LPP: variants seen among roughly 807,000 people sequenced by gnomAD.
LPP encodes the protein lipoma-preferred partner.
LPP carries 38 observed loss-of-function variants against 60.4 expected under a neutral mutation model. The ratio of observed to expected loss-of-function variants is 0.63; its 90% CI spans 0.49 to 0.83. The LOEUF (loss-of-function observed/expected upper bound fraction) is 0.83. Among genes scored for constraint, LPP ranks in the 40% least tolerant of loss-of-function variants. LPP has a pLI of 0.00. For synonymous variants in LPP, 328 were observed against 290.8 expected (o/e 1.13, Z -1.30); for missense variants, 902 against 783.6 (o/e 1.15, Z -1.80).
At chr3:188,848,066 G>A (rs1478194126) in intron 9 of LPP, among the ~76,000 whole-genome samples, 1 of 152,058 alleles carries the variant, frequency 6.6e-6, no homozygotes, top group Admixed American at 6.6e-5. Flanking sequence ...TTGAGTTTTT[G>A]AAAAATATAT....
intron 9 of LPP, among the ~76,000 whole-genome samples, chr3:188,804,255 A>C (rs1450310961): frequency 9.1e-6 from 1 of 109,570 alleles, no homozygotes; most frequent in Non-Finnish European, 1.8e-5. Flanking sequence ...ATATATATAT[A>C]TATATATATA....
Position 188,760,268 on chromosome 3 carries a change from G to C in LPP, c.1396G>C (p.Glu466Gln). ...TGCTGTGGAAAAGAAAGCATACTGCGAGCCCTGCTACATTGTAAGTTCCAG... is the reference window on the plus strand; with the variant it reads ...TGCTGTGGAAAAGAAAGCATACTGCCAGCCCTGCTACATTGTAAGTTCCAG... Reference protein sequence around the residue: ...FYAVEKKAYCEPCYINTLEQC... With the variant: ...FYAVEKKAYCQPCYINTLEQC... Residue 466 changes from glutamate (E) to glutamine (Q), a missense_variant, in exon 9 of 12, where the codon GAG becomes CAG. Coordinates refer to ENST00000617246, the MANE Select transcript of LPP (RefSeq NM_001375462.1). The C allele has an allele frequency of 6.2e-7, 1 of 1,613,992 alleles. No individual in the cohort carries two copies. The highest frequency in any genetic ancestry group is 1.6e-4 in the Middle Eastern group (1 of 6,062).
intron 6 of LPP, among the ~76,000 whole-genome samples, chr3:188,581,284 G>A (rs1238331679): frequency 6.6e-6 from 1 of 152,050 alleles, no homozygotes; most frequent in Non-Finnish European, 1.5e-5. Flanking sequence ...GTGATGATAG[G>A]TCTAGGGAAC....
chr3:188,354,840 C>CACACACACAT (rs1298864302), intron 3 of LPP, among the ~76,000 whole-genome samples: 1 of 152,072 alleles, frequency 6.6e-6, no homozygotes, highest in Admixed American at 6.5e-5. Flanking sequence ...CACACAGACA[C>CACACACACAT]ACACACACAG....
rs975671910 is a variant in LPP at position 188,849,783 on chromosome 3, G to A, written c.1411-16417G>A. 3.3e-5 allele frequency among the ~76,000 whole-genome samples: 5 copies of A among 152,288 alleles called. No homozygotes were observed. In the South Asian group the frequency reaches 8.3e-4, roughly 25 times the overall value. On this transcript the variant is annotated intron_variant, in intron 9 of 11. Coordinates refer to ENST00000617246, the MANE Select transcript of LPP (RefSeq NM_001375462.1). ...GGGATGATATTAATGAAAGAGCCTAGCCCAGTGTTTAGTATTGAATAGGTA... is the reference window on the plus strand; with the variant it reads ...GGGATGATATTAATGAAAGAGCCTAACCCAGTGTTTAGTATTGAATAGGTA...
intron 3 of LPP, among the ~76,000 whole-genome samples, chr3:188,368,573 C>T (rs1771906287): frequency 6.6e-6 from 1 of 151,882 alleles, no homozygotes; most frequent in African/African-American, 2.4e-5. Context: ...TCTTACTTAC[C>T]TGTCATTTAC....
intron 7 of LPP, among the ~76,000 whole-genome samples, chr3:188,682,844 G>A (rs1236301305): frequency 6.6e-6 from 1 of 152,096 alleles, no homozygotes; most frequent in Non-Finnish European, 1.5e-5. Flanking sequence ...GACAGAGAAG[G>A]GCAACTCTTC....
intron 2 of LPP, among the ~76,000 whole-genome samples, chr3:188,235,965 A>G (rs922243799): frequency 2.0e-5 from 3 of 152,020 alleles, no homozygotes; most frequent in African/African-American, 7.2e-5. Flanking sequence ...AGGAAGTCCC[A>G]TGTCATCTAG....
rs188861853 is a variant in LPP, at chr3:188,456,703, G to C, written c.194-27889G>C. ...AGTTTAAGAAGAGTGTGAGCACCTCGAGCAAATAAGTCAGCTAAACAAATG... is the reference window on the plus strand; with the variant it reads ...AGTTTAAGAAGAGTGTGAGCACCTCCAGCAAATAAGTCAGCTAAACAAATG... On this transcript the variant is annotated intron_variant, in intron 4 of 11. Coordinates refer to ENST00000617246, the MANE Select transcript of LPP (RefSeq NM_001375462.1). 8.5e-5 allele frequency among the ~76,000 whole-genome samples: 13 copies of C among 152,314 alleles called. No individual in the cohort carries two copies. In the East Asian group the frequency reaches 2.5e-3, roughly 29 times the overall value.
intron 6 of LPP, among the ~76,000 whole-genome samples, chr3:188,531,326 C>G (rs569030902): frequency 1.3e-5 from 2 of 152,130 alleles, no homozygotes; most frequent in South Asian, 4.1e-4. Flanking sequence ...CTGGTAGCAT[C>G]TTTTGTTCTA....
At chr3:188,779,233 A>G (rs1293617091) in intron 9 of LPP, among the ~76,000 whole-genome samples, 1 of 152,128 alleles carries the variant, frequency 6.6e-6, no homozygotes, top group Non-Finnish European at 1.5e-5. Flanking sequence ...ACCTGATGAT[A>G]GTGTGCTTGA....
At chr3:188,868,346 C>T (rs561544642) in intron 10 of LPP, among the ~76,000 whole-genome samples, 2 of 152,232 alleles carry the variant, frequency 1.3e-5, no homozygotes, top group South Asian at 2.1e-4. Context: ...ATTTATCTTT[C>T]ATGTCTAGGG....
intron 2 of LPP, among the ~76,000 whole-genome samples, chr3:188,304,781 C>A (rs1421338170): frequency 2.0e-5 from 3 of 152,128 alleles, no homozygotes; most frequent in Admixed American, 6.5e-5. Context: ...TCAAGCTCTT[C>A]CAGAATTGCT....
chr3:188,359,471 C>A (rs751221637), intron 3 of LPP, among the ~76,000 whole-genome samples: 2 of 152,200 alleles, frequency 1.3e-5, no homozygotes, highest in Non-Finnish European at 2.9e-5. Context: ...GACCTATTAG[C>A]TGCAGGGGCA....
At chr3:188,859,089 TAAAAA>T (rs35722501) in intron 9 of LPP, among the ~76,000 whole-genome samples, 8 of 103,936 alleles carry the variant, frequency 7.7e-5, no homozygotes, top group Non-Finnish European at 1.1e-4. Context: ...ACTCTGTCTT[TAAAAA>T]AAAAAAAAAA....
At position 188,676,144 on chromosome 3, in the gene LPP, C is replaced by T. The variant is rs1377899361; in HGVS notation, c.1114-32123C>T. Among the ~76,000 whole-genome samples the T allele has an allele frequency of 2.0e-5, 3 of 152,120 alleles. No homozygotes were observed. In the East Asian group the frequency reaches 5.8e-4, roughly 29 times the overall value. On this transcript the variant is annotated intron_variant, in intron 7 of 11. Transcript: ENST00000617246. The stretch of plus-strand genomic sequence containing the variant: ...GTTTTTAAAAAAAATAGGTAGCAGT[C>T]ACCACCGTATTCTGGTGGAATCGAA...
intron 8 of LPP, among the ~76,000 whole-genome samples, chr3:188,748,924 T>G (rs1218503354): frequency 6.6e-6 from 1 of 152,076 alleles, no homozygotes; most frequent in Non-Finnish European, 1.5e-5. Flanking sequence ...AGCCTTGACT[T>G]TTTTTTGCCT....
intron 7 of LPP, among the ~76,000 whole-genome samples, chr3:188,694,559 G>A (rs1244641721): frequency 2.6e-5 from 4 of 151,944 alleles, no homozygotes; most frequent in Admixed American, 6.6e-5. Flanking sequence ...AAAATTATCC[G>A]GGCATGGTGG....
chr3:188,704,457 G>A (rs1325652736), intron 7 of LPP, among the ~76,000 whole-genome samples: 2 of 152,186 alleles, frequency 1.3e-5, no homozygotes, highest in Non-Finnish European at 2.9e-5. Context: ...GATGCCAAGT[G>A]AAGGTCATAG....
Sources: allele counts gnomAD v4.1 joint callset (sites outside exome capture counted in the v4.1 genomes callset), GRCh38; gene constraint gnomAD v4.1.1; transcripts MANE v1.5; gene names NCBI Gene and HGNC (gene_info 2026-07-23, HGNC 2026-07-21).